ADARB1: variants seen among roughly 807,000 people sequenced by gnomAD.
ADARB1 encodes adenosine deaminase RNA specific B1.
A neutral mutation model predicts 52.4 loss-of-function variants in ADARB1; 10 were observed. The ratio of observed to expected loss-of-function variants is 0.19; its 90% CI spans 0.12 to 0.32. The LOEUF is 0.32. Among genes scored for constraint, ADARB1 ranks in the 10% least tolerant of loss-of-function variants. The pLI is 1.00. For missense variants in ADARB1, 643 were observed against 922.3 expected (o/e 0.70, Z 3.92); for synonymous variants, 349 against 371.1 (o/e 0.94, Z 0.68).
intron 7 of ADARB1, chr21:45,184,529 G>T: frequency 2.8e-6 from 1 of 357,546 alleles, no homozygotes; most frequent in Admixed American, 3.2e-5. Context: ...GCTCACTGCA[G>T]CCTCGACCTC....
intron 1 of ADARB1, among the ~76,000 whole-genome samples, chr21:45,089,227 A>T (rs2086466697): frequency 6.6e-6 from 1 of 152,224 alleles, no homozygotes; most frequent in South Asian, 2.1e-4. Flanking sequence ...CTCACAACTT[A>T]CAAATCTATG....
intron 1 of ADARB1, among the ~76,000 whole-genome samples, chr21:45,103,461 T>A (rs900223370): frequency 1.3e-5 from 2 of 151,774 alleles, no homozygotes; most frequent in African/African-American, 4.8e-5. Context: ...TTCCTGCAAC[T>A]AGATGGTCCC....
Position 45,222,874 on chromosome 21 carries a change from C to T in ADARB1, c.*677C>T, listed in dbSNP as rs760402164. On this transcript the variant is annotated 3_prime_UTR_variant, in exon 11 of 11. Coordinates refer to ENST00000348831, the MANE Select transcript of ADARB1 (RefSeq NM_001112.4). ...TGCACATGGGGTCCCGCAGCAGTGA[C>T]TGTGTGTCCTGCAGAGGCGTGACCC... 12 of 985,504 alleles carry T rather than the reference C, an allele frequency of 1.2e-5. No homozygotes were observed. Among genetic ancestry groups the T allele is most frequent in the Non-Finnish European group, 1.4e-5 (12 of 829,976 alleles). The allele number at this position is 985,504 out of a possible 1,614,324, so 61.0% of individuals were successfully genotyped here. A position where few individuals can be genotyped will look rare whatever the true frequency, so the allele number is the denominator to read the frequency against.
chr21:45,217,100 A>G (rs2092878033), intron 9 of ADARB1, among the ~76,000 whole-genome samples: 1 of 151,892 alleles, frequency 6.6e-6, no homozygotes, highest in Non-Finnish European at 1.5e-5. Flanking sequence ...TATGTTTCTT[A>G]TAGACATATA....
At chr21:45,151,120 C>A (rs1042008708) in intron 2 of ADARB1, among the ~76,000 whole-genome samples, 1 of 152,178 alleles carries the variant, frequency 6.6e-6, no homozygotes, top group African/African-American at 2.4e-5. Context: ...GTGAAAGATG[C>A]CTCTAGGTTC....
chr21:45,106,024 T>C (rs1201350192), intron 1 of ADARB1, among the ~76,000 whole-genome samples: 2 of 152,142 alleles, frequency 1.3e-5, no homozygotes, highest in Non-Finnish European at 2.9e-5. Context: ...GAAATTCTTT[T>C]GTAAGAACAA....
intron 7 of ADARB1, 79 bp from the exon 8 acceptor site, chr21:45,184,844 G>A (rs2092047440): frequency 7.1e-7 from 1 of 1,402,982 alleles, no homozygotes; most frequent in Non-Finnish European, 9.8e-7. Flanking sequence ...AAATTTATAA[G>A]CTATTGTTAG....
intron 1 of ADARB1, among the ~76,000 whole-genome samples, chr21:45,099,592 T>TGG (rs1455428085): frequency 6.6e-6 from 1 of 152,058 alleles, no homozygotes; most frequent in African/African-American, 2.4e-5. Context: ...ACTTGAACCT[T>TGG]GGGAGGGGAC....
chr21:45,079,457 G>A (rs1179433711), intron 1 of ADARB1, among the ~76,000 whole-genome samples: 1 of 152,202 alleles, frequency 6.6e-6, no homozygotes, highest in African/African-American at 2.4e-5. Flanking sequence ...TATGAGATAG[G>A]GAAGTCTGGG....
At chr21:45,165,800 G>A (rs762069402) in intron 2 of ADARB1, among the ~76,000 whole-genome samples, 1 of 151,244 alleles carries the variant, frequency 6.6e-6, no homozygotes, top group Admixed American at 6.6e-5. Flanking sequence ...GAATGAACAC[G>A]AATAATCTCC....
intron 1 of ADARB1, among the ~76,000 whole-genome samples, chr21:45,109,342 G>C (rs745977858): frequency 6.6e-6 from 1 of 152,238 alleles, no homozygotes; most frequent in African/African-American, 2.4e-5. Context: ...GTGTGTGCAC[G>C]TGTGTGTCCC....
intron 8 of ADARB1, among the ~76,000 whole-genome samples, chr21:45,187,896 T>G (rs1052279761): frequency 1.3e-5 from 2 of 152,136 alleles, no homozygotes; most frequent in African/African-American, 2.4e-5. Context: ...TTGAATTTGG[T>G]TTGTTGAGAA....
At chr21:45,161,553 C>T (rs1472647990) in intron 2 of ADARB1, among the ~76,000 whole-genome samples, 1 of 152,244 alleles carries the variant, frequency 6.6e-6, no homozygotes, top group Non-Finnish European at 1.5e-5. Context: ...GAGGCCAACG[C>T]GGGGCTGAGG....
At chr21:45,191,880 ATTTTTTTTTTTTTTTTT>A (rs777269104) in intron 8 of ADARB1, among the ~76,000 whole-genome samples, 405 of 15,666 alleles carry the variant, frequency 0.026, 1 homozygote, top group African/African-American at 0.048. Context: ...ATATATATAT[ATTTTTTTTTTTTTTTTT>A]TTTTTTTTTT....
intron 9 of ADARB1, among the ~76,000 whole-genome samples, chr21:45,210,177 T>C (rs954013892): frequency 5.3e-5 from 8 of 152,206 alleles, no homozygotes; most frequent in African/African-American, 1.9e-4. Context: ...CTCATGTCTG[T>C]TGGGTTTTCA....
Position 45,222,488 on chromosome 21 carries a change from G to A in ADARB1, c.*291G>A, listed in dbSNP as rs919115896. The A allele has an allele frequency of 1.8e-5, 21 of 1,190,362 alleles. No individual in the cohort carries two copies. The highest frequency in any genetic ancestry group is 1.1e-4 in the African/African-American group (7 of 63,382). The allele number at this position is 1,190,362 out of a possible 1,614,324, so 73.7% of individuals were successfully genotyped here. A position where few individuals can be genotyped will look rare whatever the true frequency, so the allele number is the denominator to read the frequency against. On this transcript the variant is annotated 3_prime_UTR_variant, in exon 11 of 11. Transcript: ENST00000348831. ...GTGACTGCTTTCAATCTCGGTTTAC[G>A]TTTAGAAATTGAGTTCTACTGAGTA...
rs12483595 is a variant in ADARB1, at chr21:45,079,559, G to A, written c.-220+4766G>A. Among the ~76,000 whole-genome samples, 483 of 152,258 alleles carry A rather than the reference G, an allele frequency of 3.2e-3. 4 individuals carry two copies. Among genetic ancestry groups the A allele is most frequent in the Middle Eastern group, 0.014 (4 of 294 alleles). On this transcript the variant is annotated intron_variant, in intron 1 of 10. Transcript: ENST00000348831. ...CACTCAAGGGCCAGATCTGGAGGAC[G>A]AGGGTTGGGTCATTGTGCAGCTACT... is the stretch of plus-strand genomic sequence containing the variant.
At chr21:45,106,270 A>T (rs1409609181) in intron 1 of ADARB1, among the ~76,000 whole-genome samples, 2 of 152,032 alleles carry the variant, frequency 1.3e-5, no homozygotes, top group African/African-American at 4.8e-5. Flanking sequence ...ATATTTAACA[A>T]AGCCCTCTGT....
chr21:45,165,992 A>G (rs2091240473), intron 2 of ADARB1, among the ~76,000 whole-genome samples: 1 of 152,214 alleles, frequency 6.6e-6, no homozygotes, highest in Non-Finnish European at 1.5e-5. Flanking sequence ...GTTGTCTTAA[A>G]CAGTTTTTAA....
Sources: gnomAD v4.1 joint callset for allele counts (sites outside exome capture counted in the v4.1 genomes callset) on GRCh38, gnomAD v4.1.1 for gene constraint, MANE v1.5 for transcripts, NCBI Gene and HGNC (gene_info 2026-07-23, HGNC 2026-07-21) for gene names.